The following TNFSF4 variants were observed in gnomAD, a reference collection of about 807,000 sequenced individuals.
The protein encoded by TNFSF4 is tumor necrosis factor ligand superfamily member 4.
TNFSF4 carries 4 observed loss-of-function variants against 7.3 expected under a neutral mutation model. The observed-to-expected ratio is 0.55, with a 90% CI of 0.27 to 1.25. The LOEUF (loss-of-function observed/expected upper bound fraction) is 1.25, where lower values mean the gene tolerates loss of function less well. Among genes scored for constraint, TNFSF4 ranks in the 50% most tolerant of loss-of-function variants. The pLI, the probability that TNFSF4 is intolerant of heterozygous loss-of-function variation, is 0.12. For missense variants in TNFSF4, 181 were observed against 208.8 expected (o/e 0.87, Z 0.82); for synonymous variants, 76 against 83.7 (o/e 0.91, Z 0.50).
the TNFSF4 span, among the ~76,000 whole-genome samples, chr1:173,422,864 A>G: frequency 6.6e-6 from 1 of 152,196 alleles, no homozygotes; most frequent in African/African-American, 2.4e-5. Flanking sequence ...CAGGAGTAAG[A>G]CGGTGGACAC....
the TNFSF4 span, among the ~76,000 whole-genome samples, chr1:173,267,200 T>C: frequency 6.6e-6 from 1 of 152,170 alleles, no homozygotes; most frequent in African/African-American, 2.4e-5. Context: ...TAACCTCCTT[T>C]AGCAGAGTAA....
At chr1:173,250,014 C>T in the TNFSF4 span, among the ~76,000 whole-genome samples, 1 of 151,928 alleles carries the variant, frequency 6.6e-6, no homozygotes, top group African/African-American at 2.4e-5. Flanking sequence ...TACCTCTGAA[C>T]TTAAAATAAA....
the TNFSF4 span, among the ~76,000 whole-genome samples, chr1:173,318,339 T>C: frequency 3.1e-4 from 47 of 152,162 alleles, no homozygotes; most frequent in Non-Finnish European, 1.3e-4. Flanking sequence ...ACATATACTA[T>C]AAAATCTCCT....
chr1:173,249,069 G>C, the TNFSF4 span, among the ~76,000 whole-genome samples: 2 of 152,162 alleles, frequency 1.3e-5, no homozygotes, highest in African/African-American at 4.8e-5. Flanking sequence ...AACAGTGGAT[G>C]ATCTTTTAGG....
chr1:173,335,210 C>G, the TNFSF4 span, among the ~76,000 whole-genome samples: 4 of 151,894 alleles, frequency 2.6e-5, no homozygotes, highest in East Asian at 7.7e-4. Context: ...GCCAAACCTG[C>G]CTTCTTTCAA....
intron 1 of TNFSF4, among the ~76,000 whole-genome samples, chr1:173,204,725 C>T (rs2102001454): frequency 6.6e-6 from 1 of 151,060 alleles, no homozygotes; most frequent in South Asian, 2.1e-4. Flanking sequence ...TGACTTGCCT[C>T]ATCACTACCA....
At chr1:173,449,899 A>C in the TNFSF4 span, among the ~76,000 whole-genome samples, 1 of 152,202 alleles carries the variant, frequency 6.6e-6, no homozygotes, top group Non-Finnish European at 1.5e-5. Flanking sequence ...GAATAAACCC[A>C]AAGTAAGTAG....
the TNFSF4 span, among the ~76,000 whole-genome samples, chr1:173,375,040 T>G: frequency 2.0e-5 from 3 of 152,188 alleles, no homozygotes; most frequent in Admixed American, 6.5e-5. Context: ...GGCCTAGACC[T>G]CCTCACTTTC....
the TNFSF4 span, among the ~76,000 whole-genome samples, chr1:173,423,357 TTTAA>T: frequency 6.6e-6 from 1 of 152,216 alleles, no homozygotes; most frequent in African/African-American, 2.4e-5. Context: ...TTTCCACCTC[TTTAA>T]TTAAAACACA....
chr1:173,441,719 T>G, the TNFSF4 span, among the ~76,000 whole-genome samples: 1 of 152,220 alleles, frequency 6.6e-6, no homozygotes, highest in African/African-American at 2.4e-5. Context: ...GTGTCTGGTT[T>G]TCACTCTAAA....
the TNFSF4 span, among the ~76,000 whole-genome samples, chr1:173,323,135 A>G: frequency 6.6e-6 from 1 of 152,158 alleles, no homozygotes; most frequent in Non-Finnish European, 1.5e-5. Flanking sequence ...GAGGCACCCC[A>G]CAGGAGGGGC....
chr1:173,362,679 A>G, the TNFSF4 span: 2 of 417,284 alleles, frequency 4.8e-6, no homozygotes, highest in African/African-American at 4.1e-5. Flanking sequence ...ACTTCTGACA[A>G]TTCCTCATTA....
At chr1:173,178,701 A>G in the TNFSF4 span, among the ~76,000 whole-genome samples, 4 of 152,192 alleles carry the variant, frequency 2.6e-5, no homozygotes, top group African/African-American at 4.8e-5. Flanking sequence ...CTGGCTTAAA[A>G]TATTTCCGGT....
At chr1:173,387,898 G>A in the TNFSF4 span, among the ~76,000 whole-genome samples, 1 of 152,204 alleles carries the variant, frequency 6.6e-6, no homozygotes, top group Non-Finnish European at 1.5e-5. Context: ...TTGAATGAAA[G>A]TGAAGGATGG....
At chr1:173,231,503 A>G in the TNFSF4 span, among the ~76,000 whole-genome samples, 1 of 152,248 alleles carries the variant, frequency 6.6e-6, no homozygotes, top group Admixed American at 6.5e-5. Flanking sequence ...TGAATGGGCA[A>G]AAACTGGAAG....
the TNFSF4 span, among the ~76,000 whole-genome samples, chr1:173,321,003 A>C: frequency 6.6e-6 from 1 of 152,242 alleles, no homozygotes; most frequent in Non-Finnish European, 1.5e-5. Flanking sequence ...GGAACCAAAA[A>C]AGAGCCCATA....
the TNFSF4 span, among the ~76,000 whole-genome samples, chr1:173,341,569 T>C: frequency 6.6e-6 from 1 of 152,192 alleles, no homozygotes; most frequent in Non-Finnish European, 1.5e-5. Flanking sequence ...AATCTCAGCT[T>C]GGCCACTTAC....
the TNFSF4 span, among the ~76,000 whole-genome samples, chr1:173,414,735 C>T: frequency 9.2e-5 from 14 of 152,302 alleles, no homozygotes; most frequent in East Asian, 2.3e-3. Flanking sequence ...ATGGAATAAC[C>T]CAGATATATC....
the TNFSF4 span, among the ~76,000 whole-genome samples, chr1:173,343,483 G>A: frequency 2.0e-5 from 3 of 152,132 alleles, no homozygotes; most frequent in Non-Finnish European, 4.4e-5. Context: ...AATGGGAAAG[G>A]ATATGGTGAT....
Sources: gnomAD v4.1 joint callset for allele counts (sites outside exome capture counted in the v4.1 genomes callset) on GRCh38, gnomAD v4.1.1 for gene constraint, MANE v1.5 for transcripts, NCBI Gene and HGNC (gene_info 2026-07-23, HGNC 2026-07-21) for gene names.